KIAA1217: variants seen among roughly 807,000 people sequenced by gnomAD.
KIAA1217 encodes the protein KIAA1217.
A neutral mutation model predicts 163.9 loss-of-function variants in KIAA1217; 88 were observed. The observed-to-expected ratio is 0.54, with a 90% confidence interval of 0.45 to 0.64. The LOEUF (loss-of-function observed/expected upper bound fraction) is 0.64. Among genes scored for constraint, KIAA1217 ranks in the 30% least tolerant of loss-of-function variants. KIAA1217 has a pLI of 0.00. For missense variants in KIAA1217, 2,372 were observed against 2,475.0 expected, an observed-to-expected ratio of 0.96 and a Z score of 0.88; for synonymous variants, 903 against 923.1, an observed-to-expected ratio of 0.98 and a Z score of 0.39.
At chr10:24,411,391 T>C (rs1406297232) in intron 3 of KIAA1217, among the ~76,000 whole-genome samples, 1 of 152,232 alleles carries the variant, frequency 6.6e-6, no homozygotes, top group Non-Finnish European at 1.5e-5. Context: ...TTTGGGGCTT[T>C]AAAAATAATT....
intron 2 of KIAA1217, among the ~76,000 whole-genome samples, chr10:24,268,451 T>A (rs1416639224): frequency 6.6e-6 from 1 of 151,286 alleles, no homozygotes; most frequent in South Asian, 2.1e-4. Context: ...AAAAAACACA[T>A]GAAAAAATGC....
At chr10:24,445,497 G>A (rs1409594338) in intron 5 of KIAA1217, among the ~76,000 whole-genome samples, 2 of 149,552 alleles carry the variant, frequency 1.3e-5, no homozygotes, top group Non-Finnish European at 3.0e-5. Flanking sequence ...TCATCATTTA[G>A]CATTAGGTAT....
At position 24,380,926 on chromosome 10, in the gene KIAA1217, G is replaced by C; in HGVS notation, c.412G>C (p.Glu138Gln). ...PQPPSLGDPVEHLSETSADSL... is the reference protein window; with the variant it reads ...PQPPSLGDPVQHLSETSADSL... ...ACCACCCAGTCTGGGTGACCCGGTC[G>C]AGCATTTATCAGAGACGTCCGCTGA... Residue 138 changes from glutamate to glutamine, a missense_variant, in exon 3 of 21, where the codon GAG (glutamate) becomes CAG (glutamine). Glu to Gln is a conservative substitution (Grantham distance 29, BLOSUM62 2). Transcript: ENST00000376454. The C allele has an allele frequency of 1.9e-6, 3 of 1,606,332 alleles. No individual in the cohort carries two copies. Among genetic ancestry groups the C allele is most frequent in the Non-Finnish European group, 2.6e-6 (3 of 1,175,670 alleles).
At chr10:24,248,665 C>A (rs1363914324) in intron 2 of KIAA1217, among the ~76,000 whole-genome samples, 1 of 80,096 alleles carries the variant, frequency 1.2e-5, no homozygotes, top group Non-Finnish European at 2.2e-5. Context: ...AGCAAGACTC[C>A]ATCTCAAAAA....
chr10:24,034,245 T>C (rs564172831), intron 2 of KIAA1217, among the ~76,000 whole-genome samples: 1 of 152,222 alleles, frequency 6.6e-6, no homozygotes, highest in East Asian at 1.9e-4. Flanking sequence ...GGGGGTCTTC[T>C]GGCACCGTGA....
chr10:24,158,656 C>T (rs987018476), intron 2 of KIAA1217: 22 of 511,494 alleles, frequency 4.3e-5, no homozygotes, highest in South Asian at 3.3e-4. Context: ...ACTAGCACAA[C>T]CTGAAAGTAC....
chr10:24,242,243 C>T (rs1168413599), intron 2 of KIAA1217, among the ~76,000 whole-genome samples: 1 of 152,074 alleles, frequency 6.6e-6, no homozygotes, highest in Non-Finnish European at 1.5e-5. Context: ...AACCCACATC[C>T]CACCTCCATC....
chr10:24,065,121 G>GT (rs2060887006), intron 2 of KIAA1217, among the ~76,000 whole-genome samples: 1 of 151,952 alleles, frequency 6.6e-6, no homozygotes, highest in Non-Finnish European at 1.5e-5. Flanking sequence ...TTTTTGAAGG[G>GT]TTTTTTGTGT....
At chr10:24,335,484 T>C (rs1354950619) in intron 2 of KIAA1217, among the ~76,000 whole-genome samples, 1 of 151,478 alleles carries the variant, frequency 6.6e-6, no homozygotes, top group Non-Finnish European at 1.5e-5. Flanking sequence ...TATTATGGGA[T>C]GAAAAAGATG....
At chr10:23,980,556 A>G (rs1359707953) in intron 1 of KIAA1217, among the ~76,000 whole-genome samples, 1 of 152,092 alleles carries the variant, frequency 6.6e-6, no homozygotes, top group Non-Finnish European at 1.5e-5. Flanking sequence ...TTGTGTGGAA[A>G]GGGTATGTTG....
chr10:24,202,913 G>A (rs1318353014), intron 2 of KIAA1217, among the ~76,000 whole-genome samples: 1 of 152,200 alleles, frequency 6.6e-6, no homozygotes, highest in African/African-American at 2.4e-5. Context: ...TACCGGGCCA[G>A]GGGCAGTGGC....
intron 2 of KIAA1217, among the ~76,000 whole-genome samples, chr10:24,282,253 A>C (rs945747896): frequency 1.3e-5 from 2 of 151,924 alleles, no homozygotes; most frequent in Non-Finnish European, 1.5e-5. Flanking sequence ...ATTTATTGCT[A>C]TAAATATTAG....
At chr10:24,033,746 C>T (rs1054489670) in intron 2 of KIAA1217, among the ~76,000 whole-genome samples, 14 of 152,202 alleles carry the variant, frequency 9.2e-5, no homozygotes, top group African/African-American at 3.4e-4. Flanking sequence ...TGCTACTGAA[C>T]AGGTGTCAAC....
At chr10:24,143,831 A>G (rs1049773748) in intron 2 of KIAA1217, among the ~76,000 whole-genome samples, 4 of 151,900 alleles carry the variant, frequency 2.6e-5, no homozygotes, top group Non-Finnish European at 5.9e-5. Flanking sequence ...AAAAAAAACA[A>G]AAACAAAAAA....
At chr10:24,545,383 T>A in intron 20 of KIAA1217, 2 of 1,345,382 alleles carry the variant, frequency 1.5e-6, no homozygotes, top group Non-Finnish European at 1.9e-6. Flanking sequence ...TTGGTGAATG[T>A]AGTGTTTCAT....
intron 2 of KIAA1217, among the ~76,000 whole-genome samples, chr10:24,301,748 T>C (rs1182626432): frequency 6.6e-6 from 1 of 152,212 alleles, no homozygotes; most frequent in Non-Finnish European, 1.5e-5. Context: ...TAGACTTTAT[T>C]TTTTAGAACG....
Position 24,357,213 on chromosome 10 carries a change from C to T in KIAA1217, c.355-23656C>T, listed in dbSNP as rs184715620. ...TAGAGGAAGACAAGACACTCAGAAG[C>T]ATCCCTCAGCTGGCTGCCTGGGCCT... is the stretch of plus-strand genomic sequence containing the variant. On this transcript the variant is annotated intron_variant, in intron 2 of 20. Transcript: ENST00000376454. 9.2e-5 allele frequency among the ~76,000 whole-genome samples: 14 copies of T among 152,348 alleles called. No homozygotes were observed. In the East Asian group the frequency reaches 2.7e-3, roughly 29 times the overall value.
chr10:24,023,761 A>G (rs1236322923), intron 2 of KIAA1217, among the ~76,000 whole-genome samples: 7 of 151,818 alleles, frequency 4.6e-5, no homozygotes, highest in Non-Finnish European at 4.4e-5. Flanking sequence ...TAATATTGTT[A>G]TATAAATAAA....
At chr10:23,783,308 C>G (rs922846133) in intron 1 of KIAA1217, among the ~76,000 whole-genome samples, 8 of 152,172 alleles carry the variant, frequency 5.3e-5, no homozygotes, top group Non-Finnish European at 1.2e-4. Context: ...GTTGGACAAC[C>G]TTGATTTAGA....
Sources: allele counts gnomAD v4.1 joint callset (sites outside exome capture counted in the v4.1 genomes callset), GRCh38; gene constraint gnomAD v4.1.1; transcripts MANE v1.5; gene names NCBI Gene and HGNC (gene_info 2026-07-23, HGNC 2026-07-21).